The following IPCEF1 variants were observed in gnomAD, a reference collection of about 807,000 sequenced individuals.
IPCEF1 encodes interaction protein for cytohesin exchange factors 1, also known as interactor protein for cytohesin exchange factors 1.
A neutral mutation model predicts 50.9 loss-of-function variants in IPCEF1; 31 were observed. That is an observed-to-expected ratio of 0.61 (90% CI 0.46 to 0.82). IPCEF1 has a LOEUF of 0.82. IPCEF1 is among the 40% of genes least tolerant of loss of function. IPCEF1 has a pLI of 0.00. For synonymous variants in IPCEF1, 181 were observed against 192.0 expected (o/e 0.94, Z 0.47); for missense variants, 458 against 514.0 (o/e 0.89, Z 1.05).
chr6:154,207,490 T>C (rs1777598494), intron 9 of IPCEF1, among the ~76,000 whole-genome samples: 1 of 152,266 alleles, frequency 6.6e-6, no homozygotes, highest in South Asian at 2.1e-4. Flanking sequence ...GTTCAAGATA[T>C]GTCTTGTTAA....
At chr6:154,237,416 A>G (rs1780222623) in intron 5 of IPCEF1, among the ~76,000 whole-genome samples, 1 of 152,256 alleles carries the variant, frequency 6.6e-6, no homozygotes, top group Non-Finnish European at 1.5e-5. Context: ...TACACAGGAC[A>G]GATCATAGTC....
At chr6:154,193,276 C>T (rs1447490152) in intron 10 of IPCEF1, among the ~76,000 whole-genome samples, 1 of 152,084 alleles carries the variant, frequency 6.6e-6, no homozygotes, top group Non-Finnish European at 1.5e-5. Flanking sequence ...GAATGGAAAA[C>T]CAAAATTGTA....
At chr6:154,164,794 T>C (rs1377047239) in intron 11 of IPCEF1, among the ~76,000 whole-genome samples, 2 of 152,190 alleles carry the variant, frequency 1.3e-5, no homozygotes, top group Non-Finnish European at 2.9e-5. Context: ...CATTAATAAC[T>C]TATTTTAAAA....
chr6:154,334,675 A>G lies in IPCEF1; in HGVS notation c.-62+21997T>C, dbSNP rs558586186. ...CTAGAGTGGGGAAACCTTACATAAGAGACCTAAAGTTCAAGCCTCAGCTTA... is the reference window on the plus strand; with the variant it reads ...CTAGAGTGGGGAAACCTTACATAAGGGACCTAAAGTTCAAGCCTCAGCTTA... On this transcript the variant is annotated intron_variant, in intron 1 of 11. Coordinates refer to ENST00000367220, the MANE Select transcript of IPCEF1 (RefSeq NM_001130700.2). Among the ~76,000 whole-genome samples the G allele has an allele frequency of 2.7e-4, 41 of 152,316 alleles. No individual in the cohort carries two copies. The South Asian group carries it at 7.5e-3, about 28-fold the overall frequency.
At chr6:154,312,185 A>G (rs186169716) in intron 1 of IPCEF1, among the ~76,000 whole-genome samples, 270 of 152,324 alleles carry the variant, frequency 1.8e-3, no homozygotes, top group Middle Eastern at 6.8e-3. Flanking sequence ...AACCTGGAGG[A>G]CATTTTGTTA....
At chr6:154,166,807 T>C (rs1799473555) in intron 11 of IPCEF1, among the ~76,000 whole-genome samples, 1 of 152,200 alleles carries the variant, frequency 6.6e-6, no homozygotes, top group Non-Finnish European at 1.5e-5. Context: ...CGCTATGACA[T>C]ATTACATTGA....
intron 2 of IPCEF1, among the ~76,000 whole-genome samples, chr6:154,271,532 T>C (rs1485089491): frequency 1.3e-5 from 2 of 152,204 alleles, no homozygotes; most frequent in Non-Finnish European, 2.9e-5. Flanking sequence ...ATTACTTTTA[T>C]ACAGAAGTAT....
rs1781810582 is a variant in IPCEF1, at chr6:154,268,313, T to C, written c.-17-2349A>G. 2.0e-5 allele frequency among the ~76,000 whole-genome samples: 3 copies of C among 152,120 alleles called. No homozygotes were observed. In the South Asian group the frequency reaches 6.2e-4, roughly 32 times the overall value. On this transcript the variant is annotated intron_variant, in intron 2 of 11. Coordinates refer to ENST00000367220, the MANE Select transcript of IPCEF1 (RefSeq NM_001130700.2). ...GGTAGGTCCTGTCTGCTCTTTGGAG[T>C]GGGAGGTGTGGGTCTGCAGCTACAG...
chr6:154,230,190 A>G (rs1264958055), intron 5 of IPCEF1, among the ~76,000 whole-genome samples: 3 of 152,220 alleles, frequency 2.0e-5, no homozygotes, highest in Non-Finnish European at 4.4e-5. Context: ...AAATTTGAAT[A>G]GGGTGAACTT....
intron 2 of IPCEF1, among the ~76,000 whole-genome samples, chr6:154,283,382 G>A (rs1034204317): frequency 6.6e-6 from 1 of 150,808 alleles, no homozygotes; most frequent in African/African-American, 2.4e-5. Flanking sequence ...AGATCACAAG[G>A]TCAGGAGATC....
chr6:154,256,327 C>T (rs1781459411), intron 3 of IPCEF1, among the ~76,000 whole-genome samples: 1 of 152,164 alleles, frequency 6.6e-6, no homozygotes, highest in Non-Finnish European at 1.5e-5. Context: ...ACCTAATTAA[C>T]TCTCAAAGGT....
chr6:154,173,222 T>C (rs1412976693), intron 10 of IPCEF1, among the ~76,000 whole-genome samples: 1 of 151,304 alleles, frequency 6.6e-6, no homozygotes, highest in Admixed American at 6.6e-5. Flanking sequence ...GAAACCAGAG[T>C]GGAAAGGCTG....
intron 5 of IPCEF1, among the ~76,000 whole-genome samples, chr6:154,240,160 A>G (rs1780464793): frequency 6.6e-6 from 1 of 152,252 alleles, no homozygotes; most frequent in South Asian, 2.1e-4. Flanking sequence ...AATAATGCTC[A>G]ATTTAATTAG....
At chr6:154,292,146 T>C (rs1290398719) in intron 1 of IPCEF1, among the ~76,000 whole-genome samples, 1 of 152,218 alleles carries the variant, frequency 6.6e-6, no homozygotes, top group East Asian at 1.9e-4. Context: ...TCCTTTTACC[T>C]TTCAGGACAT....
At chr6:154,247,825 G>T (rs1781183625) in intron 3 of IPCEF1, 1 of 238,454 alleles carries the variant, frequency 4.2e-6, no homozygotes, top group African/African-American at 2.2e-5. Flanking sequence ...TTCCCCTTTT[G>T]TGTTTTTGTG....
At chr6:154,295,456 C>T (rs1782622491) in intron 1 of IPCEF1, among the ~76,000 whole-genome samples, 1 of 123,482 alleles carries the variant, frequency 8.1e-6, no homozygotes, top group Non-Finnish European at 1.6e-5. Context: ...ACCCCCATCT[C>T]ACCGCACCCC....
intron 1 of IPCEF1, among the ~76,000 whole-genome samples, chr6:154,322,373 AACACACAC>A (rs3039689): frequency 1.6e-5 from 2 of 123,720 alleles, no homozygotes; most frequent in African/African-American, 5.4e-5. Context: ...AAAAATTTTA[AACACACAC>A]ACACACACAC....
rs142582953 is a variant in IPCEF1, at chr6:154,155,189, G to C, written c.*4639C>G. 1 of 152,230 alleles carries C rather than the reference G, an allele frequency of 6.6e-6. No homozygotes were observed. Among genetic ancestry groups the C allele is most frequent in the Non-Finnish European group, 1.5e-5 (1 of 68,020 alleles). 9.4% of individuals were successfully genotyped at this position (152,230 alleles called of 1,614,324 possible). A position where few individuals can be genotyped will look rare whatever the true frequency, so the allele number is the denominator to read the frequency against. On this transcript the variant is annotated 3_prime_UTR_variant, in exon 12 of 12. Coordinates refer to ENST00000367220, the MANE Select transcript of IPCEF1 (RefSeq NM_001130700.2). Reference sequence around the variant, plus strand: ...AATGCCTCATTCAAGGAGACGAGTGGCTTTCTGTGAGGAGAGAAATTATCC... The same window carrying C: ...AATGCCTCATTCAAGGAGACGAGTGCCTTTCTGTGAGGAGAGAAATTATCC...
chr6:154,318,351 T>G (rs1249644872), intron 1 of IPCEF1, among the ~76,000 whole-genome samples: 1 of 152,092 alleles, frequency 6.6e-6, no homozygotes, highest in Non-Finnish European at 1.5e-5. Flanking sequence ...AATAAAATAA[T>G]TTAGGTCACA....
Sources: allele counts gnomAD v4.1 joint callset (sites outside exome capture counted in the v4.1 genomes callset), GRCh38; gene constraint gnomAD v4.1.1; transcripts MANE v1.5; gene names NCBI Gene and HGNC (gene_info 2026-07-23, HGNC 2026-07-21).